Variants in METTL9 observed in about 807,000 individuals in gnomAD.
METTL9 encodes protein-L-histidine N-pros-methyltransferase.
Under a neutral mutation model 36.0 loss-of-function variants are expected in METTL9, and 10 were observed. That is an observed-to-expected ratio of 0.28 (90% CI 0.17 to 0.47). METTL9 has a LOEUF of 0.47. Ranked by LOEUF, METTL9 falls within the 20% of genes least tolerant of loss-of-function variation. The pLI is 0.99. For synonymous variants in METTL9, 175 were observed against 149.7 expected, an observed-to-expected ratio of 1.17 and a Z score of -1.23; for missense variants, 246 against 383.5, an observed-to-expected ratio of 0.64 and a Z score of 3.00.
At chr16:21,608,009 C>T (rs1490571668) in intron 1 of METTL9, among the ~76,000 whole-genome samples, 1 of 152,016 alleles carries the variant, frequency 6.6e-6, no homozygotes, top group Non-Finnish European at 1.5e-5. Flanking sequence ...ATTAGCCAGG[C>T]GGGGTGGTAG....
intron 4 of METTL9, chr16:21,653,241 C>T (rs1206555099): frequency 3.3e-5 from 5 of 152,162 alleles, no homozygotes. Context: ...GCATGCACCA[C>T]CACCCCTGGC....
At chr16:21,642,289 A>G (rs1175782098) in intron 4 of METTL9, 1 of 150,156 alleles carries the variant, frequency 6.7e-6, no homozygotes, top group Non-Finnish European at 1.5e-5. Context: ...AGTTCAGCTT[A>G]TTTTGTGCTC....
intron 3 of METTL9, among the ~76,000 whole-genome samples, chr16:21,623,236 G>A (rs1244816116): frequency 1.3e-5 from 2 of 152,210 alleles, no homozygotes; most frequent in Non-Finnish European, 2.9e-5. Context: ...GTCCCTGGAA[G>A]TTTGTTAGGC....
intron 1 of METTL9, among the ~76,000 whole-genome samples, chr16:21,603,286 G>A (rs1449554811): frequency 2.0e-5 from 3 of 152,006 alleles, no homozygotes; most frequent in African/African-American, 4.8e-5. Context: ...TTACAGGCAC[G>A]TGCCAGCACA....
At chr16:21,617,432 G>GA (rs71151645) in intron 2 of METTL9, among the ~76,000 whole-genome samples, 100,544 of 142,470 alleles carry the variant, frequency 0.71, 35,001 homozygotes, top group African/African-American at 0.79. Flanking sequence ...AAAAAAAAAA[G>GA]AAAAAAAAAA....
At chr16:21,633,555 G>C (rs1966015620) in intron 4 of METTL9, among the ~76,000 whole-genome samples, 1 of 152,278 alleles carries the variant, frequency 6.6e-6, no homozygotes, top group Non-Finnish European at 1.5e-5. Flanking sequence ...GGGTAATACA[G>C]AAGAAGGCAT....
intron 4 of METTL9, chr16:21,626,717 CT>C: frequency 6.5e-6 from 1 of 153,036 alleles, no homozygotes; most frequent in East Asian, 1.9e-4. Context: ...CCTGATCTTA[CT>C]TCAGTGCTAC....
intron 1 of METTL9, among the ~76,000 whole-genome samples, chr16:21,607,642 C>T (rs1434924137): frequency 6.6e-6 from 1 of 152,142 alleles, no homozygotes; most frequent in African/African-American, 2.4e-5. Context: ...TAAAAGATTC[C>T]CTTGTTTATT....
intron 1 of METTL9, among the ~76,000 whole-genome samples, chr16:21,600,252 C>T (rs1418929989): frequency 2.0e-5 from 3 of 152,160 alleles, no homozygotes; most frequent in Non-Finnish European, 4.4e-5. Context: ...TGGCTGGGGG[C>T]GCCCGCCTGG....
At chr16:21,616,354 C>T (rs547968036) in intron 2 of METTL9, among the ~76,000 whole-genome samples, 2 of 152,310 alleles carry the variant, frequency 1.3e-5, no homozygotes, top group East Asian at 3.9e-4. Context: ...CAGCAGCTCT[C>T]TTAGGATCTT....
chr16:21,603,259 C>T (rs1183125088), intron 1 of METTL9, among the ~76,000 whole-genome samples: 1 of 152,032 alleles, frequency 6.6e-6, no homozygotes, highest in East Asian at 1.9e-4. Context: ...CATGCCTCAG[C>T]CTCTCCATAG....
Position 21,599,666 on chromosome 16 carries a change from A to G in METTL9, c.-68A>G. The G allele has an allele frequency of 1.5e-6, 2 of 1,357,014 alleles. No individual in the cohort carries two copies. The highest frequency in any genetic ancestry group is 1.9e-6 in the Non-Finnish European group (2 of 1,063,778). The allele number at this position is 1,357,014 out of a possible 1,614,324, so 84.1% of individuals were successfully genotyped here. On this transcript the variant is annotated 5_prime_UTR_variant, in exon 1 of 5. Coordinates refer to ENST00000358154, the MANE Select transcript of METTL9 (RefSeq NM_016025.5). The surrounding 1 kb of genome is among the most constrained non-coding windows in gnomAD (Gnocchi z 4.4). The stretch of plus-strand genomic sequence containing the variant: ...CTCGGGCGGTGGCGGCGGTGGCCGG[A>G]GGCGGCGGTGCCTCCTCCTCCTCGC...
intron 3 of METTL9, among the ~76,000 whole-genome samples, chr16:21,623,790 G>C (rs1456388458): frequency 1.3e-5 from 2 of 151,534 alleles, no homozygotes; most frequent in Non-Finnish European, 2.9e-5. Context: ...GTTTTGTTTT[G>C]AGATGGAGTC....
At chr16:21,649,128 G>A (rs1966503525) in intron 4 of METTL9, among the ~76,000 whole-genome samples, 1 of 152,006 alleles carries the variant, frequency 6.6e-6, no homozygotes, top group Non-Finnish European at 1.5e-5. Context: ...AAGTAGCTGG[G>A]ACTGTAGGCC....
chr16:21,610,939 T>G (rs1000682605), intron 1 of METTL9, among the ~76,000 whole-genome samples: 1 of 151,822 alleles, frequency 6.6e-6, no homozygotes. Context: ...CACCAGGAGG[T>G]CATGAGTATA....
intron 4 of METTL9, among the ~76,000 whole-genome samples, chr16:21,630,522 C>G (rs1286007237): frequency 6.6e-6 from 1 of 152,212 alleles, no homozygotes; most frequent in African/African-American, 2.4e-5. Context: ...CCCGTCTAAA[C>G]AGGATACCCC....
upstream of METTL9, among the ~76,000 whole-genome samples, chr16:21,598,991 T>C (rs1205070456): frequency 6.6e-6 from 1 of 150,770 alleles, no homozygotes; most frequent in Non-Finnish European, 1.5e-5. Context: ...GTGGGGAGAG[T>C]AGAGGAGGGA....
At chr16:21,617,264 A>C (rs1441919443) in intron 2 of METTL9, among the ~76,000 whole-genome samples, 2 of 151,618 alleles carry the variant, frequency 1.3e-5, no homozygotes, top group South Asian at 2.1e-4. Flanking sequence ...TAAAAATCCA[A>C]AAAATTAGTC....
chr16:21,633,114 C>T (rs1355700041), intron 4 of METTL9, among the ~76,000 whole-genome samples: 2 of 152,034 alleles, frequency 1.3e-5, no homozygotes, highest in Non-Finnish European at 2.9e-5. Flanking sequence ...CCAAGGAACC[C>T]CCGCAACTGT....
Sources: allele counts gnomAD v4.1 joint callset (sites outside exome capture counted in the v4.1 genomes callset), GRCh38; gene constraint gnomAD v4.1.1; non-coding constraint Gnocchi (gnomAD v3.1); transcripts MANE v1.5; gene names NCBI Gene and HGNC (gene_info 2026-07-23, HGNC 2026-07-21).